PGLYRP2: variants seen among roughly 807,000 people sequenced by gnomAD.
PGLYRP2 encodes the protein N-acetylmuramoyl-L-alanine amidase.
Under a neutral mutation model 46.2 loss-of-function variants are expected in PGLYRP2, and 38 were observed. That is an observed-to-expected ratio of 0.82 (90% CI 0.64 to 1.08). The LOEUF is 1.08. PGLYRP2 is among the 50% of genes least tolerant of loss of function. The pLI, the probability that PGLYRP2 is intolerant of heterozygous loss-of-function variation, is 0.00. For missense variants in PGLYRP2, 713 were observed against 755.9 expected (o/e 0.94, Z 0.67); for synonymous variants, 289 against 329.4 (o/e 0.88, Z 1.33).
At chr19:15,478,624 G>A (rs1268193825) in intron 1 of PGLYRP2, among the ~76,000 whole-genome samples, 2 of 149,950 alleles carry the variant, frequency 1.3e-5, no homozygotes, top group African/African-American at 4.9e-5. Context: ...GGCAGGATTT[G>A]CCTTTGTTTT....
At position 15,469,949 on chromosome 19, in the gene PGLYRP2, G is replaced by C; in HGVS notation, c.1344-20C>G. The C allele has an allele frequency of 7.1e-7, 1 of 1,400,720 alleles. No homozygotes were observed. The highest frequency in any genetic ancestry group is 9.3e-7 in the Non-Finnish European group (1 of 1,080,902). The allele number at this position is 1,400,720 out of a possible 1,614,324, so 86.8% of individuals were successfully genotyped here. A position where few individuals can be genotyped will look rare whatever the true frequency, so the allele number is the denominator to read the frequency against. ...ACGAAACTGCAGAGGGGAGGGAGAA[G>C]CAAGCACCATGCGGCGTGAGGGGGA... On this transcript the variant is annotated intron_variant, in intron 3 of 4. Transcript: ENST00000340880. This position sits in a 1 kb window ranked among gnomAD's most constrained non-coding sequence, Gnocchi z 4.9.
rs1379994597 is a variant in PGLYRP2, at chr19:15,469,503, C to T, written c.1641+129G>A. On this transcript the variant is annotated intron_variant, in intron 4 of 4. Coordinates refer to ENST00000340880, the MANE Select transcript of PGLYRP2 (RefSeq NM_052890.4). This position sits in a 1 kb window ranked among gnomAD's most constrained non-coding sequence, Gnocchi z 4.9. Reference sequence around the variant, plus strand: ...GGCCTAGGTTTCCTGAATAGACGTGCCGCCGGGAAGTTGGGGGCCTGGCTG... The same window carrying T: ...GGCCTAGGTTTCCTGAATAGACGTGTCGCCGGGAAGTTGGGGGCCTGGCTG... The T allele has an allele frequency of 7.7e-7, 1 of 1,301,442 alleles. No homozygotes were observed. The highest frequency in any genetic ancestry group is 1.1e-6 in the Non-Finnish European group (1 of 931,642). 80.6% of individuals were successfully genotyped at this position (1,301,442 alleles called of 1,614,324 possible). A position where few individuals can be genotyped will look rare whatever the true frequency, so the allele number is the denominator to read the frequency against.
At position 15,475,754 on chromosome 19, in the gene PGLYRP2, C is replaced by G; in HGVS notation, c.916G>C (p.Ala306Pro). The G allele has an allele frequency of 6.2e-7, 1 of 1,614,038 alleles. No individual in the cohort carries two copies. The highest frequency in any genetic ancestry group is 8.5e-7 in the Non-Finnish European group (1 of 1,179,932). Residue 306 changes from alanine (A) to proline (P), a missense_variant, in exon 2 of 5, where the codon GCT becomes CCT. Transcript: ENST00000340880. ...LSHLLSQYYG[A>P]GVARDPGFRS... ...AACCCTGGGTCTCTGGCCACCCCAG[C>G]CCCATAGTACTGGCTCAGCAAGTGG...
Position 15,475,554 on chromosome 19 carries a change from G to T in PGLYRP2, c.1116C>A (p.Phe372Leu). The stretch of plus-strand genomic sequence containing the variant: ...CTTCCTCACCCAGGAAGGCCTCAGT[G>T]AATTCCTTGGTAGCATTGGCAGCCA... ...AQVAANATKEFTEAFLGCPAI... is the reference protein window; with the variant it reads ...AQVAANATKELTEAFLGCPAI... Residue 372 changes from phenylalanine to leucine, a missense_variant, in exon 2 of 5, where the codon TTC (phenylalanine) becomes TTA (leucine). By Grantham distance (22) the Phe-to-Leu change is conservative. Coordinates refer to ENST00000340880, the MANE Select transcript of PGLYRP2 (RefSeq NM_052890.4). 6.2e-7 allele frequency: 1 copy of T among 1,602,352 alleles called. No homozygotes were observed. Among genetic ancestry groups the T allele is most frequent in the South Asian group, 1.1e-5 (1 of 90,018 alleles).
Position 15,476,429 on chromosome 19 carries a change from A to G in PGLYRP2, c.241T>C (p.Leu81=), listed in dbSNP as rs770971062. 5 of 1,613,890 alleles carry G rather than the reference A, an allele frequency of 3.1e-6. No individual in the cohort carries two copies. The South Asian group carries it at 5.5e-5, about 18-fold the overall frequency. ...TCTGGGCTTAGTGGGCAGGGATCCA[A>G]CTCTGTAGCATTGAGGCTCCATGCC... ...LGAWSLNATE[L]DPCPLSPELL... The change falls in exon 2 of 5, where the codon TTG becomes CTG. Residue 81 remains leucine (L), a synonymous_variant. Transcript: ENST00000340880.
Position 15,469,037 on chromosome 19 carries a change from A to C in PGLYRP2, c.1642-285T>G, listed in dbSNP as rs979781973. On this transcript the variant is annotated intron_variant, in intron 4 of 4. Transcript: ENST00000340880. The surrounding 1 kb of genome is among the most constrained non-coding windows in gnomAD (Gnocchi z 4.9). ...GTCATCAGGTCAAAGTTGTGCTGGC[A>C]TAAGAGTTGTCATCAGGGGTTAAGG... 35 of 511,952 alleles carry C rather than the reference A, an allele frequency of 6.8e-5. No homozygotes were observed. The highest frequency in any genetic ancestry group is 1.0e-4 in the Non-Finnish European group (29 of 287,094). 31.7% of individuals were successfully genotyped at this position (511,952 alleles called of 1,614,324 possible).
chr19:15,472,596 C>CCAAA (rs1970760378), intron 2 of PGLYRP2, among the ~76,000 whole-genome samples: 1 of 145,712 alleles, frequency 6.9e-6, no homozygotes, highest in African/African-American at 2.6e-5. Context: ...CTGTCCCCCC[C>CCAAA]AAAAAAAAAT....
At position 15,475,980 on chromosome 19, in the gene PGLYRP2, G is replaced by A; in HGVS notation, c.690C>T (p.Thr230=). The A allele has an allele frequency of 6.2e-7, 1 of 1,614,172 alleles. No homozygotes were observed. Among genetic ancestry groups the A allele is most frequent in the Non-Finnish European group, 8.5e-7 (1 of 1,180,030 alleles). The change falls in exon 2 of 5, where the codon ACC becomes ACT. Residue 230 remains threonine, a synonymous_variant. Coordinates refer to ENST00000340880, the MANE Select transcript of PGLYRP2 (RefSeq NM_052890.4). ...AVTLAGNLGL[T]FLRGSQTQSH... The stretch of plus-strand genomic sequence containing the variant: ...TCTGGGTCTGGGAACCTCGGAGGAA[G>A]GTCAGGCCCAGGTTTCCAGCCAGGG...
Position 15,469,072 on chromosome 19 carries a change from CGAAACAA to C in PGLYRP2, c.1642-327_1642-321del. ...TCATCAGGGGTTAAGGAGTCAGGGA[CGAAACAA>C]GCAACCTCAGAGTTGAGATTGTCTG... On this transcript the variant is annotated intron_variant, in intron 4 of 4. Transcript: ENST00000340880. The surrounding 1 kb of genome is among the most constrained non-coding windows in gnomAD (Gnocchi z 4.9). The C allele has an allele frequency of 2.0e-6, 1 of 509,164 alleles. No homozygotes were observed. The highest frequency in any genetic ancestry group is 3.5e-6 in the Non-Finnish European group (1 of 286,250). The allele number at this position is 509,164 out of a possible 1,614,324, so 31.5% of individuals were successfully genotyped here.
In PGLYRP2 at chr19:15,475,608, C is replaced by T; in HGVS notation, c.1062G>A (p.Gln354=). ...QRLEPVHLQL[Q]CMSQEQLAQV... ...GGGCCAGCTGTTCTTGGCTCATGCA[C>T]TGAAGCTGGAGGTGTACTGGCTCCA... The change falls in exon 2 of 5, where the codon CAG becomes CAA. Residue 354 remains glutamine, a synonymous_variant. Coordinates refer to ENST00000340880, the MANE Select transcript of PGLYRP2 (RefSeq NM_052890.4). The T allele has an allele frequency of 1.9e-6, 3 of 1,614,064 alleles. No homozygotes were observed. Among genetic ancestry groups the T allele is most frequent in the South Asian group, 2.2e-5 (2 of 91,078 alleles).
rs368981308 is a variant in PGLYRP2, at chr19:15,476,034, C to T, written c.636G>A (p.Pro212=). The part of the protein sequence containing the change: ...SLPDAKAKSP[P]TMVDSLLAVT... Reference sequence around the variant, plus strand: ...CTGCCAGGAGGCTGTCCACCATGGTCGGTGGGGACTTGGCTTTGGCATCTG... The same window carrying T: ...CTGCCAGGAGGCTGTCCACCATGGTTGGTGGGGACTTGGCTTTGGCATCTG... Residue 212 remains proline, a synonymous_variant, in exon 2 of 5, where the codon CCG becomes CCA. Coordinates refer to ENST00000340880, the MANE Select transcript of PGLYRP2 (RefSeq NM_052890.4). The T allele has an allele frequency of 4.0e-5, 65 of 1,614,018 alleles. No individual in the cohort carries two copies. Among genetic ancestry groups the T allele is most frequent in the Admixed American group, 6.7e-5 (4 of 60,000 alleles).
chr19:15,475,470 G>C, intron 2 of PGLYRP2, 68 bp downstream of exon 2: 2 of 1,446,856 alleles, frequency 1.4e-6, no homozygotes, highest in Non-Finnish European at 1.9e-6. Flanking sequence ...CAACTTCCCT[G>C]AATATACGGG....
At chr19:15,473,235 T>C (rs535786540) in intron 2 of PGLYRP2, among the ~76,000 whole-genome samples, 1 of 151,936 alleles carries the variant, frequency 6.6e-6, no homozygotes, top group East Asian at 1.9e-4. Flanking sequence ...TTTTGGAGGC[T>C]GAGGTGGGTG....
At chr19:15,477,670 C>G (rs1010580149) in intron 1 of PGLYRP2, among the ~76,000 whole-genome samples, 2 of 150,744 alleles carry the variant, frequency 1.3e-5, no homozygotes, top group Admixed American at 6.6e-5. Flanking sequence ...TGCATTCCAG[C>G]CTGGGTGACA....
chr19:15,469,587 G>T lies in PGLYRP2; in HGVS notation c.1641+45C>A. ...GCAGGGGCCTCGTGGAGCTTGTGTA[G>T]ACGGAGGGGCGGCGGGCCGTGTAGT... On this transcript the variant is annotated intron_variant, in intron 4 of 4. Transcript: ENST00000340880. The surrounding 1 kb of genome is among the most constrained non-coding windows in gnomAD (Gnocchi z 4.9). The T allele has an allele frequency of 6.4e-7, 1 of 1,558,194 alleles. No individual in the cohort carries two copies. The highest frequency in any genetic ancestry group is 1.2e-5 in the South Asian group (1 of 85,592).
In PGLYRP2 at chr19:15,472,029, G is replaced by T. The variant is rs1268855374; in HGVS notation, c.1204C>A (p.Leu402Met). The T allele has an allele frequency of 1.9e-6, 3 of 1,612,446 alleles. No individual in the cohort carries two copies. Among genetic ancestry groups the T allele is most frequent in the African/African-American group, 1.3e-5 (1 of 74,950 alleles). ...TGCACGTACAAGAATCCCAGCGGCA[G>T]CTGCAGCAGCTTCGGGCGGCCCCGA... ...PYRGRPKLLQ[L>M]PLGFLYVHHT... Residue 402 changes from leucine (L) to methionine (M), a missense_variant, in exon 3 of 5, where the codon CTG (leucine) becomes ATG (methionine). By Grantham distance (15) the Leu-to-Met change is conservative (BLOSUM62 2). Coordinates refer to ENST00000340880, the MANE Select transcript of PGLYRP2 (RefSeq NM_052890.4).
intron 1 of PGLYRP2, among the ~76,000 whole-genome samples, chr19:15,478,483 C>T (rs1970817614): frequency 6.6e-6 from 1 of 152,212 alleles, no homozygotes; most frequent in African/African-American, 2.4e-5. Context: ...TACAAATTTA[C>T]TCAGTTTCAG....
In PGLYRP2 at chr19:15,469,964, C is replaced by T. The variant is rs759607772; in HGVS notation, c.1344-35G>A. On this transcript the variant is annotated intron_variant, in intron 3 of 4. Coordinates refer to ENST00000340880, the MANE Select transcript of PGLYRP2 (RefSeq NM_052890.4). This position sits in a 1 kb window ranked among gnomAD's most constrained non-coding sequence, Gnocchi z 4.9. ...GGAGGGAGAAGCAAGCACCATGCGG[C>T]GTGAGGGGGACCCGGGCCCTTATCC... is the stretch of plus-strand genomic sequence containing the variant. 227 of 1,384,448 alleles carry T rather than the reference C, an allele frequency of 1.6e-4. No homozygotes were observed. Among genetic ancestry groups the T allele is most frequent in the Non-Finnish European group, 2.0e-4 (217 of 1,072,522 alleles). The allele number at this position is 1,384,448 out of a possible 1,614,324, so 85.8% of individuals were successfully genotyped here.
At chr19:15,470,071 G>A (rs1223081169) in intron 3 of PGLYRP2, 142 bp from the exon 4 acceptor site, 3 of 866,280 alleles carry the variant, frequency 3.5e-6, no homozygotes, top group Admixed American at 4.3e-5. Context: ...GTCCCATCCA[G>A]CTCTGTTCCA....
Sources: allele counts gnomAD v4.1 joint callset (sites outside exome capture counted in the v4.1 genomes callset), GRCh38; gene constraint gnomAD v4.1.1; non-coding constraint Gnocchi (gnomAD v3.1); transcripts MANE v1.5; gene names NCBI Gene and HGNC (gene_info 2026-07-23, HGNC 2026-07-21).